Variants in PTBP2 observed in about 807,000 individuals in gnomAD.
PTBP2 encodes the protein polypyrimidine tract-binding protein 2.
Under a neutral mutation model 61.4 loss-of-function variants are expected in PTBP2, and 13 were observed. The ratio of observed to expected loss-of-function variants is 0.21; its 90% CI spans 0.14 to 0.34. The LOEUF is 0.34. PTBP2 is among the 10% of genes least tolerant of loss of function. The probability of loss-of-function intolerance (pLI) is 1.00; values close to 1 mark genes in which losing one functional copy is unlikely to be tolerated. For missense variants in PTBP2, 405 were observed against 642.6 expected, an observed-to-expected ratio of 0.63 and a Z score of 4.00; for synonymous variants, 215 against 218.5, an observed-to-expected ratio of 0.98 and a Z score of 0.14.
chr1:96,774,617 C>T (rs1475388326), intron 5 of PTBP2, among the ~76,000 whole-genome samples: 8 of 152,204 alleles, frequency 5.3e-5, no homozygotes, highest in Admixed American at 3.9e-4. Flanking sequence ...CTGGTTTTCT[C>T]CATCTTTCCT....
chr1:96,812,640 G>C (rs777714667), intron 11 of PTBP2, 72 bp from the exon 12 acceptor site: 84 of 1,215,690 alleles, frequency 6.9e-5, no homozygotes, highest in Admixed American at 2.4e-4. Context: ...TTTTTAAACT[G>C]TTACGTTAAA....
intron 3 of PTBP2, among the ~76,000 whole-genome samples, chr1:96,759,486 A>G (rs1022856255): frequency 6.6e-6 from 1 of 152,326 alleles, no homozygotes; most frequent in Non-Finnish European, 1.5e-5. Context: ...ATGTGCTAGA[A>G]CAGCTGAATA....
At chr1:96,765,029 C>G (rs1315268405) in intron 3 of PTBP2, among the ~76,000 whole-genome samples, 7 of 152,206 alleles carry the variant, frequency 4.6e-5, no homozygotes, top group Non-Finnish European at 7.3e-5. Context: ...CCTATCTGCA[C>G]CTACCTGCTT....
At chr1:96,762,502 C>T (rs1400851147) in intron 3 of PTBP2, among the ~76,000 whole-genome samples, 9 of 126,454 alleles carry the variant, frequency 7.1e-5, no homozygotes, top group Non-Finnish European at 1.0e-4. Flanking sequence ...GGCTGACCCC[C>T]GCCACCTCCC....
At chr1:96,794,445 T>A (rs1366383435) in intron 8 of PTBP2, among the ~76,000 whole-genome samples, 1 of 150,232 alleles carries the variant, frequency 6.7e-6, no homozygotes, top group East Asian at 1.9e-4. Context: ...GTATAAAATA[T>A]GATTCTTTCC....
rs1204678346 is a variant in PTBP2 at position 96,814,902 on chromosome 1, C to G, written c.*1497C>G. On this transcript the variant is annotated 3_prime_UTR_variant, in exon 14 of 14. Coordinates refer to ENST00000674951, the MANE Select transcript of PTBP2 (RefSeq NM_021190.4). ...CTCTATATTCACCTTTTCTGTCTTT[C>G]TCTGCTGCCTTTTCTCTCTCCTCTT... The G allele has an allele frequency of 6.6e-6, 1 of 152,536 alleles. No homozygotes were observed. The highest frequency in any genetic ancestry group is 1.5e-5 in the Non-Finnish European group (1 of 68,016). The allele number at this position is 152,536 out of a possible 1,614,324, so 9.4% of individuals were successfully genotyped here. A position where few individuals can be genotyped will look rare whatever the true frequency, so the allele number is the denominator to read the frequency against.
intron 2 of PTBP2, among the ~76,000 whole-genome samples, chr1:96,730,918 A>G (rs1238338160): frequency 6.6e-6 from 1 of 152,078 alleles, no homozygotes; most frequent in Non-Finnish European, 1.5e-5. Flanking sequence ...AAAAGCAATT[A>G]TTCTGTATAG....
exon 14 of PTBP2, chr1:96,821,606 A>G (rs1337173582): frequency 6.6e-6 from 1 of 150,428 alleles, no homozygotes; most frequent in Non-Finnish European, 1.5e-5. Flanking sequence ...AGCCACATAA[A>G]TTGCTAACAT....
At chr1:96,762,283 T>C (rs7543528) in intron 3 of PTBP2, among the ~76,000 whole-genome samples, 10,161 of 145,978 alleles carry the variant, frequency 0.07, 550 homozygotes, top group Admixed American at 0.15. Context: ...GCAGAGGGGC[T>C]CCTCACTTCC....
At position 96,733,302 on chromosome 1, in the gene PTBP2, A is replaced by G. The variant is rs183883592; in HGVS notation, c.39+9708A>G. 6.2e-4 allele frequency among the ~76,000 whole-genome samples: 93 copies of G among 150,820 alleles called. No homozygotes were observed. In the East Asian group the frequency reaches 9.8e-3, roughly 16 times the overall value. ...CACTTACAGGGACCTTGTGATTACA[A>G]TGGGCCCAACTACATAATAGAGGAT... On this transcript the variant is annotated intron_variant, in intron 2 of 13. Coordinates refer to ENST00000674951, the MANE Select transcript of PTBP2 (RefSeq NM_021190.4).
chr1:96,816,709 A>G (rs145106566), downstream of PTBP2: 4 of 152,258 alleles, frequency 2.6e-5, no homozygotes, highest in East Asian at 3.9e-4. Context: ...ATGTACATCT[A>G]TTTGTATCAC....
At chr1:96,802,211 G>GAA (rs5776325) in intron 8 of PTBP2, among the ~76,000 whole-genome samples, 17,816 of 53,654 alleles carry the variant, frequency 0.33, 3,345 homozygotes, top group East Asian at 0.42. Flanking sequence ...ACTCCGTCTC[G>GAA]AAAAAAAAAA....
chr1:96,756,060 T>C lies in PTBP2; in HGVS notation c.115+4560T>C, dbSNP rs72974602. ...AACTCTCACTTACTGCTCAGTGGAA[T>C]GCAGAGTGGTACAGCCACTTTGGAA... On this transcript the variant is annotated intron_variant, in intron 3 of 13. Transcript: ENST00000674951. 4.5e-3 allele frequency among the ~76,000 whole-genome samples: 690 copies of C among 152,320 alleles called. 3 individuals are homozygous for C. The highest frequency in any genetic ancestry group is 0.016 in the African/African-American group (650 of 41,586).
chr1:96,728,563 A>T (rs978408661), intron 2 of PTBP2, among the ~76,000 whole-genome samples: 1 of 152,164 alleles, frequency 6.6e-6, no homozygotes, highest in Non-Finnish European at 1.5e-5. Context: ...AGATGCTGGA[A>T]ACATACTGTC....
At chr1:96,802,486 C>T (rs570941699) in intron 8 of PTBP2, among the ~76,000 whole-genome samples, 2 of 152,212 alleles carry the variant, frequency 1.3e-5, no homozygotes, top group South Asian at 4.1e-4. Flanking sequence ...TATAATTCCT[C>T]AGTTAAGATT....
rs149277514 is a variant in PTBP2, at chr1:96,731,875, G to C, written c.39+8281G>C. ...GTACTCTTAACCATTTTGCCAATGT[G>C]AAATCCTTGCAAAGTAATCGGCCTA... On this transcript the variant is annotated intron_variant, in intron 2 of 13. Transcript: ENST00000674951. Among the ~76,000 whole-genome samples, 8 of 152,206 alleles carry C rather than the reference G, an allele frequency of 5.3e-5. No individual in the cohort carries two copies. The East Asian group carries it at 1.5e-3, about 29-fold the overall frequency.
At chr1:96,730,327 T>C (rs755627977) in intron 2 of PTBP2, among the ~76,000 whole-genome samples, 17 of 152,216 alleles carry the variant, frequency 1.1e-4, no homozygotes, top group Non-Finnish European at 2.1e-4. Flanking sequence ...TTTACTTATA[T>C]AGGGATTTAT....
Position 96,808,502 on chromosome 1 carries a change from T to G in PTBP2, c.1171+1544T>G, listed in dbSNP as rs903967813. ...TTACCCTTAATGACCACATTTAACC[T>G]TAATTACCTCCTTAAAGGTCCTGTT... On this transcript the variant is annotated intron_variant, in intron 11 of 13. Coordinates refer to ENST00000674951, the MANE Select transcript of PTBP2 (RefSeq NM_021190.4). Among the ~76,000 whole-genome samples the G allele has an allele frequency of 5.3e-5, 8 of 152,226 alleles. No individual in the cohort carries two copies. In the East Asian group the frequency reaches 1.6e-3, roughly 30 times the overall value.
At chr1:96,756,398 C>T (rs1655164793) in intron 3 of PTBP2, among the ~76,000 whole-genome samples, 1 of 152,212 alleles carries the variant, frequency 6.6e-6, no homozygotes, top group South Asian at 2.1e-4. Context: ...GAGACTCCAT[C>T]TCAAATATAC....
Sources: allele counts gnomAD v4.1 joint callset (sites outside exome capture counted in the v4.1 genomes callset), GRCh38; gene constraint gnomAD v4.1.1; transcripts MANE v1.5; gene names NCBI Gene and HGNC (gene_info 2026-07-23, HGNC 2026-07-21).